CEP350: variants seen among roughly 807,000 people sequenced by gnomAD.
The protein encoded by CEP350 is centrosome-associated protein 350.
A neutral mutation model predicts 331.8 loss-of-function variants in CEP350; 126 were observed. The ratio of observed to expected loss-of-function variants is 0.38; its 90% CI spans 0.33 to 0.44. The LOEUF is 0.44. Ranked by LOEUF, CEP350 falls within the 20% of genes least tolerant of loss-of-function variation. CEP350 has a pLI of 1.00. For synonymous variants in CEP350, 1,200 were observed against 1,259.5 expected (o/e 0.95, Z 1.00); for missense variants, 3,406 against 3,634.6 (o/e 0.94, Z 1.62).
At chr1:179,996,294 C>T (rs1163358782) in intron 5 of CEP350, among the ~76,000 whole-genome samples, 2 of 152,060 alleles carry the variant, frequency 1.3e-5, no homozygotes, top group Non-Finnish European at 2.9e-5. Context: ...TTCAATTTGA[C>T]TAGTTTTTGT....
At chr1:180,064,291 T>G (rs1290431717) in intron 26 of CEP350, among the ~76,000 whole-genome samples, 2 of 152,148 alleles carry the variant, frequency 1.3e-5, no homozygotes, top group Non-Finnish European at 2.9e-5. Flanking sequence ...CTGCATTGGA[T>G]GCCCTCTTCA....
chr1:180,050,225 T>C, intron 22 of CEP350, among the ~76,000 whole-genome samples: 1 of 152,202 alleles, frequency 6.6e-6, no homozygotes, highest in East Asian at 1.9e-4. Context: ...AATTGATGAA[T>C]TGTGTTTTAT....
chr1:180,078,238 G>A (rs997388019), intron 28 of CEP350, among the ~76,000 whole-genome samples: 3 of 152,082 alleles, frequency 2.0e-5, no homozygotes, highest in Non-Finnish European at 4.4e-5. Flanking sequence ...AGACTTCTAA[G>A]GTGTAGTGAT....
At chr1:180,031,550 T>G in intron 15 of CEP350, 56 bp downstream of exon 15, 1 of 879,550 alleles carries the variant, frequency 1.1e-6, no homozygotes, top group Non-Finnish European at 1.5e-6. Context: ...TAATTGATAT[T>G]CAAAAAATCC....
At chr1:180,042,490 A>G (rs756740909) in intron 19 of CEP350, among the ~76,000 whole-genome samples, 2 of 152,338 alleles carry the variant, frequency 1.3e-5, no homozygotes, top group South Asian at 2.1e-4. Flanking sequence ...TGAATGTACT[A>G]TATGTTGGGT....
chr1:179,982,140 A>G (rs1245790842), intron 1 of CEP350, among the ~76,000 whole-genome samples: 1 of 152,236 alleles, frequency 6.6e-6, no homozygotes, highest in Non-Finnish European at 1.5e-5. Flanking sequence ...TGAACGTACC[A>G]TTGAAATCAG....
At position 180,078,590 on chromosome 1, in the gene CEP350, G is replaced by A; in HGVS notation, c.5895G>A (p.Gln1965=). The part of the protein sequence containing the change: ...YVPSESIGQE[Q]PGSPDHSILT... ...CATCCGAGTCTATAGGACAGGAGCAGCCAGGGAGTCCAGATCACAGTATAC... is the reference window on the plus strand; with the variant it reads ...CATCCGAGTCTATAGGACAGGAGCAACCAGGGAGTCCAGATCACAGTATAC... The change falls in exon 29 of 38, where the codon CAG becomes CAA. Residue 1965 remains glutamine (Q), a synonymous_variant. Transcript: ENST00000367607. 6.2e-7 allele frequency: 1 copy of A among 1,613,378 alleles called. No individual in the cohort carries two copies. The highest frequency in any genetic ancestry group is 1.1e-5 in the South Asian group (1 of 90,934).
chr1:179,965,769 C>T (rs371288046), intron 1 of CEP350, among the ~76,000 whole-genome samples: 3 of 151,352 alleles, frequency 2.0e-5, no homozygotes, highest in Admixed American at 6.6e-5. Flanking sequence ...TACAGGTGCC[C>T]GCCACCACAC....
At chr1:180,025,934 A>G (rs115301917) in intron 14 of CEP350, among the ~76,000 whole-genome samples, 4,187 of 152,214 alleles carry the variant, frequency 0.028, 193 homozygotes, top group African/African-American at 0.096. Context: ...CATAAAATAA[A>G]TCCTACTCAT....
chr1:180,082,607 G>T (rs187597216), intron 30 of CEP350, among the ~76,000 whole-genome samples: 1 of 152,112 alleles, frequency 6.6e-6, no homozygotes, highest in African/African-American at 2.4e-5. Flanking sequence ...GAACCAGTGC[G>T]CCCGGACTGC....
intron 8 of CEP350, among the ~76,000 whole-genome samples, chr1:180,008,830 G>A (rs965610812): frequency 2.0e-5 from 3 of 152,034 alleles, no homozygotes; most frequent in African/African-American, 4.8e-5. Flanking sequence ...AAACTGATGG[G>A]GTACTGGTTT....
chr1:180,086,555 A>G (rs2149105314), intron 31 of CEP350, among the ~76,000 whole-genome samples: 1 of 151,814 alleles, frequency 6.6e-6, no homozygotes, highest in South Asian at 2.1e-4. Context: ...ATATATATAT[A>G]TATATAAAAT....
chr1:179,989,765 A>G (rs1652915198), intron 3 of CEP350, among the ~76,000 whole-genome samples: 1 of 152,224 alleles, frequency 6.6e-6, no homozygotes, highest in Non-Finnish European at 1.5e-5. Flanking sequence ...TTTTATAGAC[A>G]TAAAACTGTA....
At chr1:180,048,880 G>A (rs1657297695) in intron 22 of CEP350, among the ~76,000 whole-genome samples, 175 bp downstream of exon 22, 1 of 152,154 alleles carries the variant, frequency 6.6e-6, no homozygotes, top group East Asian at 1.9e-4. Context: ...ACCAGCCAGG[G>A]AAACATAGGG....
intron 5 of CEP350, among the ~76,000 whole-genome samples, chr1:179,993,447 A>G (rs964073975): frequency 5.3e-5 from 8 of 152,070 alleles, no homozygotes; most frequent in Non-Finnish European, 1.0e-4. Flanking sequence ...TTTTGAGACA[A>G]GGTCTTGCTC....
At chr1:179,962,205 A>G (rs1571774699) in intron 1 of CEP350, among the ~76,000 whole-genome samples, 1 of 151,942 alleles carries the variant, frequency 6.6e-6, no homozygotes, top group Non-Finnish European at 1.5e-5. Flanking sequence ...ATATTTACCT[A>G]TTGTTTAGAC....
intron 1 of CEP350, among the ~76,000 whole-genome samples, chr1:179,975,551 G>A (rs1651795105): frequency 1.3e-5 from 2 of 151,838 alleles, no homozygotes; most frequent in East Asian, 1.9e-4. Flanking sequence ...TTTACAAATA[G>A]CTTTATGTAT....
intron 37 of CEP350, among the ~76,000 whole-genome samples, chr1:180,102,905 C>G (rs748571033): frequency 6.6e-6 from 1 of 152,122 alleles, no homozygotes; most frequent in Non-Finnish European, 1.5e-5. Flanking sequence ...TTCGTCGTCT[C>G]GAGCTGAGAA....
intron 25 of CEP350, among the ~76,000 whole-genome samples, chr1:180,059,772 A>G (rs1658082842): frequency 6.6e-6 from 1 of 152,218 alleles, no homozygotes; most frequent in Non-Finnish European, 1.5e-5. Context: ...CTGACAATAT[A>G]TGTTGCCAAT....
Sources: gnomAD v4.1 joint callset for allele counts (sites outside exome capture counted in the v4.1 genomes callset) on GRCh38, gnomAD v4.1.1 for gene constraint, MANE v1.5 for transcripts, NCBI Gene and HGNC (gene_info 2026-07-23, HGNC 2026-07-21) for gene names.